DHX32: variants seen among roughly 807,000 people sequenced by gnomAD.
The protein encoded by DHX32 is DEAH-box helicase 32 (putative).
Under a neutral mutation model 70.0 loss-of-function variants are expected in DHX32, and 51 were observed. The observed-to-expected ratio is 0.73, with a 90% CI of 0.58 to 0.92. DHX32 has a LOEUF of 0.92. Ranked by LOEUF, DHX32 falls within the 40% of genes least tolerant of loss-of-function variation. The probability of loss-of-function intolerance (pLI) is 0.00; values close to 1 mark genes in which losing one functional copy is unlikely to be tolerated. For synonymous variants in DHX32, 310 were observed against 315.3 expected (o/e 0.98, Z 0.18); for missense variants, 762 against 891.8 (o/e 0.85, Z 1.85).
intron 1 of DHX32, chr10:125,869,407 C>G (rs1944242848): frequency 6.6e-6 from 1 of 152,172 alleles, no homozygotes; most frequent in Admixed American, 6.5e-5. Flanking sequence ...GAAACCCTGT[C>G]TCTACTGAAA....
chr10:125,880,845 C>T lies in DHX32; in HGVS notation c.-21G>A, dbSNP rs377127491. ...TCCATCTTGTCTGACAGTGAGCTCA[C>T]GCAGCTGACATTCCACAAGCAAGTT... On this transcript the variant is annotated 5_prime_UTR_variant, in exon 1 of 11. It adds an upstream start codon to the 5' untranslated region. Coordinates refer to ENST00000284690, the MANE Select transcript of DHX32 (RefSeq NM_018180.3). The T allele has an allele frequency of 2.6e-5, 42 of 1,595,558 alleles. No individual in the cohort carries two copies. The Middle Eastern group carries it at 6.7e-4, about 26-fold the overall frequency.
chr10:125,895,089 G>A (rs1196429924), intron 1 of DHX32, among the ~76,000 whole-genome samples: 2 of 152,274 alleles, frequency 1.3e-5, no homozygotes, highest in Non-Finnish European at 2.9e-5. Context: ...TTCTTGTTTT[G>A]ACAATTAATC....
chr10:125,880,555 A>C lies in DHX32; in HGVS notation c.270T>G (p.Gly90=). 1 of 1,605,566 alleles carries C rather than the reference A, an allele frequency of 6.2e-7. No individual in the cohort carries two copies. The highest frequency in any genetic ancestry group is 8.5e-7 in the Non-Finnish European group (1 of 1,174,574). The change falls in exon 1 of 11, where the codon GGT becomes GGG. Residue 90 remains glycine, a synonymous_variant. Coordinates refer to ENST00000284690, the MANE Select transcript of DHX32 (RefSeq NM_018180.3). ...IVIVSGDAKC[G]KSAQVPQWCA... ...AGTGGTTACTCACCTGAGCGCTCTT[A>C]CCACATTTAGCATCTCCTGAAACAA...
upstream of DHX32, among the ~76,000 whole-genome samples, chr10:125,884,826 A>G (rs1944334017): frequency 6.6e-6 from 1 of 151,858 alleles, no homozygotes; most frequent in African/African-American, 2.4e-5. Context: ...ATTACTGCTT[A>G]CTTTTCATGT....
chr10:125,870,692 C>T (rs1375133920), intron 1 of DHX32, among the ~76,000 whole-genome samples: 1 of 151,962 alleles, frequency 6.6e-6, no homozygotes, highest in East Asian at 1.9e-4. Context: ...CAAAAATTAG[C>T]CAGGCGTGGT....
intron 6 of DHX32, chr10:125,842,135 TC>T: frequency 1.4e-6 from 1 of 696,608 alleles, no homozygotes; most frequent in Non-Finnish European, 2.2e-6. Flanking sequence ...CCTGTGATTG[TC>T]CAGCTCATGC....
intron 1 of DHX32, among the ~76,000 whole-genome samples, chr10:125,867,540 T>G (rs577061315): frequency 2.6e-5 from 4 of 152,122 alleles, no homozygotes; most frequent in Non-Finnish European, 5.9e-5. Context: ...ATCGAGACCA[T>G]CCTGGCTAAC....
At chr10:125,875,147 A>C (rs1944277038) in intron 1 of DHX32, among the ~76,000 whole-genome samples, 1 of 152,126 alleles carries the variant, frequency 6.6e-6, no homozygotes, top group Admixed American at 6.5e-5. Flanking sequence ...TGAGCCCAGG[A>C]TGTTGAGGTT....
In DHX32 at chr10:125,836,761, C is replaced by A. The variant is rs773018038; in HGVS notation, c.2158G>T (p.Val720Leu). The change falls in exon 11 of 11, where the codon GTG (valine) becomes TTG (leucine). Residue 720 changes from valine to leucine, a missense_variant. Val to Leu is a conservative substitution (Grantham distance 32). Around this residue, in one of 3 missense-constraint regions of DHX32, gnomAD observed 366 missense variants for 402.6 expected, o/e 0.91. Coordinates refer to ENST00000284690, the MANE Select transcript of DHX32 (RefSeq NM_018180.3). ...TGCTGTTCCTTATTCATTGTTGACA[C>A]AGGGGATAGGTGATCCACTACTTGC... is the stretch of plus-strand genomic sequence containing the variant. ...LQQVVDHLSPVSTMNKEQQMC... is the reference protein window; with the variant it reads ...LQQVVDHLSPLSTMNKEQQMC... 1 of 1,614,164 alleles carries A rather than the reference C, an allele frequency of 6.2e-7. No homozygotes were observed. The highest frequency in any genetic ancestry group is 1.1e-5 in the South Asian group (1 of 91,084).
chr10:125,859,924 C>G lies in DHX32; in HGVS notation c.528G>C (p.Leu176Phe). 6.2e-7 allele frequency: 1 copy of G among 1,605,456 alleles called. No individual in the cohort carries two copies. The highest frequency in any genetic ancestry group is 8.5e-7 in the Non-Finnish European group (1 of 1,177,416). The change falls in exon 3 of 11, where the codon TTG (leucine) becomes TTC (phenylalanine). Residue 176 changes from leucine (L) to phenylalanine (F), a missense_variant. This residue lies in a region of DHX32 where 394 missense variants were observed against 473.1 expected (regional missense o/e 0.83). Coordinates refer to ENST00000284690, the MANE Select transcript of DHX32 (RefSeq NM_018180.3). ...LQREMMSNPF[L>F]GSYGVIILDD... Reference sequence around the variant, plus strand: ...CTAAGATGATGACCCCATAGCTACCCAAAAAAGGATTGGACATCATTTCTC... The same window carrying G: ...CTAAGATGATGACCCCATAGCTACCGAAAAAAGGATTGGACATCATTTCTC...
chr10:125,859,037 G>GTTTTTTTT (rs1253027834), intron 3 of DHX32, among the ~76,000 whole-genome samples: 1 of 135,244 alleles, frequency 7.4e-6, no homozygotes, highest in African/African-American at 2.8e-5. Flanking sequence ...TTTTTTGTTT[G>GTTTTTTTT]TTTGTTTGTT....
At chr10:125,867,546 C>T (rs1355169577) in intron 1 of DHX32, among the ~76,000 whole-genome samples, 2 of 152,064 alleles carry the variant, frequency 1.3e-5, no homozygotes, top group African/African-American at 2.4e-5. Context: ...ACCATCCTGG[C>T]TAACATGGTG....
upstream of DHX32, among the ~76,000 whole-genome samples, chr10:125,884,869 GGTA>G (rs1302858320): frequency 1.3e-5 from 2 of 151,726 alleles, no homozygotes; most frequent in Admixed American, 1.3e-4. Flanking sequence ...TTTAGCACTT[GGTA>G]GATATCTGGA....
intron 6 of DHX32, among the ~76,000 whole-genome samples, chr10:125,847,349 T>C (rs1174573762): frequency 3.3e-5 from 5 of 152,216 alleles, no homozygotes. Flanking sequence ...TATGCTAGTT[T>C]GAGCTGGATT....
At chr10:125,845,819 C>T (rs540304808) in intron 6 of DHX32, among the ~76,000 whole-genome samples, 45 of 152,248 alleles carry the variant, frequency 3.0e-4, no homozygotes, top group Non-Finnish European at 4.4e-4. Context: ...CAGTGCCACC[C>T]GCACCGTGAG....
At position 125,852,435 on chromosome 10, in the gene DHX32, C is replaced by T. The variant is rs756050592; in HGVS notation, c.1209G>A (p.Leu403=). The change falls in exon 6 of 11, where the codon CTG becomes CTA. Residue 403 remains leucine (L), a synonymous_variant. Coordinates refer to ENST00000284690, the MANE Select transcript of DHX32 (RefSeq NM_018180.3). ...GSSSSGKFFC[L]YTEEFASKDM... The stretch of plus-strand genomic sequence containing the variant: ...CTTTGGAGGCAAATTCTTCAGTGTA[C>T]AGGCAGAAAAATTTTCCTAAAAGAC... 3.7e-6 allele frequency: 6 copies of T among 1,614,114 alleles called. No individual in the cohort carries two copies. Among genetic ancestry groups the T allele is most frequent in the African/African-American group, 1.3e-5 (1 of 75,022 alleles).
intron 1 of DHX32, among the ~76,000 whole-genome samples, chr10:125,867,935 C>T (rs1376380735): frequency 1.3e-5 from 2 of 152,016 alleles, no homozygotes; most frequent in East Asian, 3.8e-4. Context: ...AAACTAGTGA[C>T]TCAAAATTAA....
intron 2 of DHX32, among the ~76,000 whole-genome samples, chr10:125,864,855 G>A (rs371797833): frequency 4.4e-5 from 6 of 135,156 alleles, no homozygotes; most frequent in East Asian, 2.3e-4. Context: ...GCTTGAACCC[G>A]GAAGATGGAG....
chr10:125,841,188 T>TGC, intron 7 of DHX32, 192 bp from the exon 8 acceptor site: 1 of 1,345,198 alleles, frequency 7.4e-7, no homozygotes, highest in Non-Finnish European at 1.0e-6. Flanking sequence ...CCTCTCCTTT[T>TGC]GTGTGTGTGT....
Sources: gnomAD v4.1 joint callset for allele counts (sites outside exome capture counted in the v4.1 genomes callset) on GRCh38, gnomAD v4.1.1 for gene constraint, gnomAD v4.1.1 regional missense constraint, MANE v1.5 for transcripts, NCBI Gene and HGNC (gene_info 2026-07-23, HGNC 2026-07-21) for gene names.